Variants in RGPD2 observed in about 807,000 individuals in gnomAD.
RGPD2 encodes the protein RANBP2 like and GRIP domain containing 2.
A neutral mutation model predicts 36.0 loss-of-function variants in RGPD2; 2 were observed. The observed-to-expected ratio is 0.06, with a 90% CI of 0.02 to 0.17. The LOEUF (loss-of-function observed/expected upper bound fraction) is 0.17, where lower values mean the gene tolerates loss of function less well. RGPD2 is among the 10% of genes least tolerant of loss of function. The probability of loss-of-function intolerance (pLI) is 1.00; values close to 1 mark genes in which losing one functional copy is unlikely to be tolerated. For missense variants in RGPD2, 40 were observed against 464.3 expected, an observed-to-expected ratio of 0.09 and a Z score of 8.40; for synonymous variants, 19 against 163.8, an observed-to-expected ratio of 0.12 and a Z score of 6.75.
the RGPD2 span, among the ~76,000 whole-genome samples, chr2:87,876,269 G>T: frequency 6.8e-6 from 1 of 148,096 alleles, no homozygotes; most frequent in Non-Finnish European, 1.5e-5. Flanking sequence ...CTAGTTTTGG[G>T]GTTTGTTTGC....
the RGPD2 span, among the ~76,000 whole-genome samples, chr2:87,894,796 ACAAT>A: frequency 7.6e-6 from 1 of 131,688 alleles, no homozygotes; most frequent in Non-Finnish European, 1.6e-5. Flanking sequence ...ATAATGGTAA[ACAAT>A]CAATTTATTT....
the RGPD2 span, among the ~76,000 whole-genome samples, chr2:87,961,246 T>C: frequency 1.3e-5 from 2 of 152,150 alleles, no homozygotes; most frequent in South Asian, 4.1e-4. Context: ...AATGGAAGAT[T>C]AACTTATAAA....
chr2:87,835,117 TAAC>T, the RGPD2 span, among the ~76,000 whole-genome samples: 1 of 138,650 alleles, frequency 7.2e-6, no homozygotes. Context: ...GATCTAAATA[TAAC>T]AACCAAAATT....
At chr2:87,964,241 A>G in the RGPD2 span, among the ~76,000 whole-genome samples, 1 of 152,196 alleles carries the variant, frequency 6.6e-6, no homozygotes, top group African/African-American at 2.4e-5. Context: ...TTCATTTCAC[A>G]CTACTTTTTT....
the RGPD2 span, among the ~76,000 whole-genome samples, chr2:87,914,303 A>T: frequency 2.2e-5 from 2 of 91,500 alleles, no homozygotes; most frequent in Non-Finnish European, 4.3e-5. Flanking sequence ...ATTAATAATG[A>T]TGTGGTTGAA....
the RGPD2 span, among the ~76,000 whole-genome samples, chr2:87,937,546 A>G: frequency 1.3e-5 from 2 of 151,700 alleles, no homozygotes; most frequent in Non-Finnish European, 2.9e-5. Flanking sequence ...AAAAAAGAGC[A>G]AGAGAGAGAT....
At chr2:87,865,470 C>T in the RGPD2 span, among the ~76,000 whole-genome samples, 5 of 152,382 alleles carry the variant, frequency 3.3e-5, no homozygotes, top group South Asian at 1.0e-3. Flanking sequence ...TACAGTGTGA[C>T]TGAGTCTAGA....
chr2:87,781,464 GTTTTTTTT>G (rs879124297), intron 20 of RGPD2, among the ~76,000 whole-genome samples: 12 of 112,612 alleles, frequency 1.1e-4, no homozygotes, highest in East Asian at 1.0e-3. Context: ...TTGTTTTTTT[GTTTTTTTT>G]TTTTTTTTTG....
chr2:87,986,128 G>A, the RGPD2 span, among the ~76,000 whole-genome samples: 1 of 116,984 alleles, frequency 8.5e-6, no homozygotes, highest in African/African-American at 3.0e-5. Flanking sequence ...AAAGGGGTCT[G>A]AAGACAGCTT....
the RGPD2 span, chr2:87,972,912 A>G: frequency 1.2e-6 from 2 of 1,613,460 alleles, no homozygotes; most frequent in Non-Finnish European, 8.5e-7. Flanking sequence ...AGGCTGCAAC[A>G]ACAGCAGCGG....
At chr2:87,791,328 C>CA (rs758035391) in intron 17 of RGPD2, among the ~76,000 whole-genome samples, 602 of 151,998 alleles carry the variant, frequency 4.0e-3, no homozygotes, top group South Asian at 0.012. Context: ...GCCTGGCCAA[C>CA]ATGGTGAAAC....
rs531218399 is a variant in RGPD2 at position 87,760,864 on chromosome 2, G to A, written c.5237-3438C>T. Reference sequence around the variant, plus strand: ...GATCTCCTGACCTTGCGATCTGCCCGCCTCGGCCTCCCAAATTGCTGGCAT... The same window carrying A: ...GATCTCCTGACCTTGCGATCTGCCCACCTCGGCCTCCCAAATTGCTGGCAT... On this transcript the variant is annotated intron_variant, in intron 22 of 22. Transcript: ENST00000398146. Among the ~76,000 whole-genome samples, 524 of 147,202 alleles carry A rather than the reference G, an allele frequency of 3.6e-3. 18 individuals are homozygous for A. Among genetic ancestry groups the A allele is most frequent in the Non-Finnish European group, 3.5e-3 (231 of 66,412 alleles).
At chr2:87,911,743 A>G in the RGPD2 span, among the ~76,000 whole-genome samples, 1 of 152,134 alleles carries the variant, frequency 6.6e-6, no homozygotes, top group Non-Finnish European at 1.5e-5. Flanking sequence ...TTATTTCAGT[A>G]TTTTAGTATT....
chr2:87,915,706 A>T, the RGPD2 span, among the ~76,000 whole-genome samples: 3 of 148,046 alleles, frequency 2.0e-5, no homozygotes, highest in African/African-American at 7.5e-5. Flanking sequence ...CTATCTCCAA[A>T]CAGTATGTTT....
At chr2:87,938,038 G>A in the RGPD2 span, among the ~76,000 whole-genome samples, 1 of 151,842 alleles carries the variant, frequency 6.6e-6, no homozygotes, top group Admixed American at 6.6e-5. Context: ...AGGGATTGGA[G>A]AGAGTTAATA....
At chr2:87,885,366 ACTAT>A in the RGPD2 span, among the ~76,000 whole-genome samples, 7 of 152,076 alleles carry the variant, frequency 4.6e-5, no homozygotes, top group African/African-American at 1.4e-4. Flanking sequence ...CATAATAAAG[ACTAT>A]ATATGACAAG....
chr2:87,902,341 A>G, the RGPD2 span, among the ~76,000 whole-genome samples: 3 of 152,228 alleles, frequency 2.0e-5, no homozygotes, highest in African/African-American at 7.2e-5. Context: ...ACATTGAATT[A>G]GATTATGGTT....
rs1284232129 is a variant in RGPD2, at chr2:87,806,705, T to C, written c.966A>G (p.Ile322Met). 1 of 48,486 alleles carries C rather than the reference T, an allele frequency of 2.1e-5. No individual in the cohort carries two copies. Among genetic ancestry groups the C allele is most frequent in the Admixed American group, 2.8e-4 (1 of 3,512 alleles). The allele number at this position is 48,486 out of a possible 1,614,324, so 3.0% of individuals were successfully genotyped here. A position where few individuals can be genotyped will look rare whatever the true frequency, so the allele number is the denominator to read the frequency against. Residue 322 changes from isoleucine to methionine, a missense_variant, in exon 7 of 23, where the codon ATA becomes ATG. By Grantham distance (10) the Ile-to-Met change is conservative. Transcript: ENST00000398146. The part of the protein sequence containing the change: ...LSELAALCYV[I>M]AFQVPRPKIK... ...CAAGTGGAAGACTTACCTGAAATGCTATGACATAGCACAATGCAGCCAGCT... is the reference window on the plus strand; with the variant it reads ...CAAGTGGAAGACTTACCTGAAATGCCATGACATAGCACAATGCAGCCAGCT...
the RGPD2 span, among the ~76,000 whole-genome samples, chr2:87,852,415 C>T: frequency 1.1e-4 from 16 of 150,900 alleles, no homozygotes; most frequent in Admixed American, 2.0e-4. Flanking sequence ...TACAGAGGAG[C>T]CTCTGCTTCT....
Sources: allele counts gnomAD v4.1 joint callset (sites outside exome capture counted in the v4.1 genomes callset), GRCh38; gene constraint gnomAD v4.1.1; transcripts MANE v1.5; gene names NCBI Gene and HGNC (gene_info 2026-07-23, HGNC 2026-07-21).